Variants in KBTBD8 observed in about 807,000 individuals in gnomAD.
The protein encoded by KBTBD8 is kelch repeat and BTB domain containing 8, also known as kelch repeat and BTB domain-containing protein 8.
KBTBD8 carries 31 observed loss-of-function variants against 53.5 expected under a neutral mutation model. The observed-to-expected ratio is 0.58, with a 90% CI of 0.44 to 0.78. The LOEUF (loss-of-function observed/expected upper bound fraction) is 0.78. Ranked by LOEUF, KBTBD8 falls within the 30% of genes least tolerant of loss-of-function variation. The pLI, the probability that KBTBD8 is intolerant of heterozygous loss-of-function variation, is 0.00. For missense variants in KBTBD8, 642 were observed against 735.8 expected, an observed-to-expected ratio of 0.87 and a Z score of 1.48; for synonymous variants, 250 against 247.3, an observed-to-expected ratio of 1.01 and a Z score of -0.10.
At chr3:67,006,040 TG>T (rs1223248970) in intron 3 of KBTBD8, among the ~76,000 whole-genome samples, 1 of 152,222 alleles carries the variant, frequency 6.6e-6, no homozygotes, top group Non-Finnish European at 1.5e-5. Flanking sequence ...CAGAAGGAGT[TG>T]TACTCTCTGG....
intron 1 of KBTBD8, 87 bp from the exon 2 acceptor site, chr3:66,998,894 T>A (rs1701989087): frequency 2.0e-6 from 2 of 1,010,726 alleles, no homozygotes; most frequent in Non-Finnish European, 3.0e-6. Flanking sequence ...GGAAAAAGCC[T>A]AGCAAGCAGA....
intron 2 of KBTBD8, 53 bp downstream of exon 2, chr3:66,999,244 C>G: frequency 7.4e-7 from 1 of 1,359,258 alleles, no homozygotes; most frequent in African/African-American, 1.4e-5. Flanking sequence ...TCCCTTTCCC[C>G]CTCAGTATTG....
chr3:67,007,010 A>G (rs1034219077), intron 3 of KBTBD8, among the ~76,000 whole-genome samples: 5 of 152,224 alleles, frequency 3.3e-5, no homozygotes, highest in African/African-American at 1.2e-4. Context: ...CAAAGTCAAC[A>G]TCACAAACCA....
At chr3:66,998,875 C>A (rs1482537473) in intron 1 of KBTBD8, 106 bp from the exon 2 acceptor site, 3 of 850,888 alleles carry the variant, frequency 3.5e-6, no homozygotes, top group South Asian at 3.1e-5. Flanking sequence ...TTGTATATAT[C>A]TTGTAGGGGG....
intron 3 of KBTBD8, among the ~76,000 whole-genome samples, chr3:67,004,563 ATAAC>A (rs1489838315): frequency 6.6e-6 from 1 of 152,248 alleles, no homozygotes; most frequent in African/African-American, 2.4e-5. Context: ...ATCATGTAGA[ATAAC>A]TATTTTTGAA....
At position 67,003,267 on chromosome 3, in the gene KBTBD8, G is replaced by A. The variant is rs151133801; in HGVS notation, c.300G>A (p.Ser100=). 2.5e-5 allele frequency: 41 copies of A among 1,614,072 alleles called. No homozygotes were observed. In the African/African-American group the frequency reaches 3.3e-4, roughly 13 times the overall value. ...GAATAGTTGGTGTTGAAGCTGAATC[G>A]ATGGATTTAGTGTTGAACTATGCCT... ...EVRIVGVEAE[S]MDLVLNYAYT... The change falls in exon 3 of 4, where the codon TCG becomes TCA. Residue 100 remains serine, a synonymous_variant. Transcript: ENST00000417314.
intron 3 of KBTBD8, 94 bp downstream of exon 3, chr3:67,004,403 T>G: frequency 8.6e-7 from 1 of 1,161,388 alleles, no homozygotes; most frequent in Non-Finnish European, 1.2e-6. Flanking sequence ...TCCCGTTAAT[T>G]GAGGAATACC....
chr3:66,998,514 G>T (rs866349570), intron 1 of KBTBD8, 143 bp downstream of exon 1: 1 of 679,478 alleles, frequency 1.5e-6, no homozygotes, highest in Non-Finnish European at 2.2e-6. Context: ...AGAAGAGGGA[G>T]GATGAATGGT....
intron 3 of KBTBD8, among the ~76,000 whole-genome samples, chr3:67,006,349 A>T (rs1016820433): frequency 2.0e-5 from 3 of 152,204 alleles, no homozygotes; most frequent in African/African-American, 4.8e-5. Context: ...ACATCATTTA[A>T]TTTGAGGTTA....
In KBTBD8 at chr3:67,003,399, C is replaced by G; in HGVS notation, c.432C>G (p.Ile144Met). 3 of 1,614,118 alleles carry G rather than the reference C, an allele frequency of 1.9e-6. No homozygotes were observed. The highest frequency in any genetic ancestry group is 2.5e-6 in the Non-Finnish European group (3 of 1,179,970). The change falls in exon 3 of 4, where the codon ATC (isoleucine) becomes ATG (methionine). Residue 144 changes from isoleucine to methionine, a missense_variant. Ile to Met is a conservative substitution (Grantham distance 10). Transcript: ENST00000417314. ...SIQDQCAKYM[I>M]SHLDPQNSIG... is the part of the protein sequence containing the mutation. ...AAGACCAATGTGCTAAGTATATGAT[C>G]AGTCATTTGGACCCACAGAATTCTA...
intron 3 of KBTBD8, among the ~76,000 whole-genome samples, chr3:67,007,093 TC>T (rs1368135203): frequency 6.6e-6 from 1 of 152,176 alleles, no homozygotes; most frequent in Non-Finnish European, 1.5e-5. Context: ...ATAGCAACAT[TC>T]AGGTAAGCAC....
chr3:67,007,993 A>C lies in KBTBD8; in HGVS notation c.1414A>C (p.Ile472Leu), dbSNP rs150471033. The change falls in exon 4 of 4, where the codon ATC becomes CTC. Residue 472 changes from isoleucine to leucine, a missense_variant. Coordinates refer to ENST00000417314, the MANE Select transcript of KBTBD8 (RefSeq NM_032505.3). The part of the protein sequence containing the change: ...GFLTPMTVPR[I>L]QGLAAVYKDS... ...CTTAACCCCCATGACTGTGCCTAGA[A>C]TCCAGGGCTTAGCAGCTGTATACAA... The C allele has an allele frequency of 1.2e-6, 2 of 1,613,678 alleles. No homozygotes were observed. The highest frequency in any genetic ancestry group is 2.7e-5 in the African/African-American group (2 of 74,924).
rs1166049827 is a variant in KBTBD8 at position 67,010,265 on chromosome 3, AAAC to A, written c.*1883_*1885del. ...TTTTGCATTGCTGAGGAGAGAGAAAAAACAATTTTTTTGCAAGAGATGTTCATG... is the reference window on the plus strand; with the variant it reads ...TTTTGCATTGCTGAGGAGAGAGAAAAAATTTTTTTGCAAGAGATGTTCATG... On this transcript the variant is annotated 3_prime_UTR_variant, in exon 4 of 4. Transcript: ENST00000417314. The A allele has an allele frequency of 6.6e-5, 10 of 152,558 alleles. No homozygotes were observed. Among genetic ancestry groups the A allele is most frequent in the African/African-American group, 2.2e-4 (9 of 41,418 alleles). The allele number at this position is 152,558 out of a possible 1,614,324, so 9.5% of individuals were successfully genotyped here.
chr3:67,001,962 A>C (rs1338844544), intron 2 of KBTBD8, among the ~76,000 whole-genome samples: 1 of 152,214 alleles, frequency 6.6e-6, no homozygotes, highest in Admixed American at 6.5e-5. Flanking sequence ...AAGAAAGGCA[A>C]ATGATGTTTG....
chr3:67,003,443 C>G lies in KBTBD8; in HGVS notation c.476C>G (p.Ala159Gly). 1.2e-6 allele frequency: 2 copies of G among 1,614,104 alleles called. No homozygotes were observed. The highest frequency in any genetic ancestry group is 1.7e-6 in the Non-Finnish European group (2 of 1,179,988). ...AATTCTATTGGGGTCTTTATCTTTG[C>G]TGATCATTATGGTCATCAGGAACTC... The part of the protein sequence containing the change: ...PQNSIGVFIF[A>G]DHYGHQELGD... Residue 159 changes from alanine to glycine, a missense_variant, in exon 3 of 4, where the codon GCT becomes GGT. Coordinates refer to ENST00000417314, the MANE Select transcript of KBTBD8 (RefSeq NM_032505.3).
chr3:67,004,660 T>C (rs781563969), intron 3 of KBTBD8, among the ~76,000 whole-genome samples: 21 of 152,316 alleles, frequency 1.4e-4, no homozygotes, highest in Non-Finnish European at 2.8e-4. Context: ...AATAGCAAGG[T>C]TGTTACATGG....
Position 67,010,624 on chromosome 3 carries a change from A to G in KBTBD8, c.*2239A>G, listed in dbSNP as rs1016128238. On this transcript the variant is annotated 3_prime_UTR_variant, in exon 4 of 4. Coordinates refer to ENST00000417314, the MANE Select transcript of KBTBD8 (RefSeq NM_032505.3). ...ATGAAGAACTATTTGTTTAAATTAT[A>G]TAGCTGGGATATTTTGCCACTGTTA... 3 of 152,582 alleles carry G rather than the reference A, an allele frequency of 2.0e-5. No homozygotes were observed. The highest frequency in any genetic ancestry group is 1.3e-4 in the Admixed American group (2 of 15,268). The allele number at this position is 152,582 out of a possible 1,614,324, so 9.5% of individuals were successfully genotyped here.
chr3:67,003,697 C>G lies in KBTBD8; in HGVS notation c.730C>G (p.Leu244Val). 2 of 1,614,160 alleles carry G rather than the reference C, an allele frequency of 1.2e-6. No homozygotes were observed. The highest frequency in any genetic ancestry group is 1.7e-6 in the Non-Finnish European group (2 of 1,180,032). ...TTTTGCTAAATGCATACGTTTTCCT[C>G]TGATGGAAGATACCTTTATAGAGAA... is the stretch of plus-strand genomic sequence containing the variant. ...EIFAKCIRFP[L>V]MEDTFIEKIP... is the part of the protein sequence containing the mutation. The change falls in exon 3 of 4, where the codon CTG (leucine) becomes GTG (valine). Residue 244 changes from leucine (L) to valine (V), a missense_variant. Transcript: ENST00000417314.
rs752815818 is a variant in KBTBD8, at chr3:67,003,855, ACACT to A, written c.891_894del (p.His297GlnfsTer10). On this transcript the variant is annotated frameshift_variant, in exon 3 of 4. Coordinates refer to ENST00000417314, the MANE Select transcript of KBTBD8 (RefSeq NM_032505.3). LOFTEE classifies it high-confidence loss of function. ...TCATATGTTTTGATGCTGCCCACAA[ACACT>A]CAGGAAAGAAGCAAACAGTGCCTTG... 1.9e-6 allele frequency: 3 copies of A among 1,614,206 alleles called. No homozygotes were observed. Among genetic ancestry groups the A allele is most frequent in the Non-Finnish European group, 2.5e-6 (3 of 1,180,036 alleles).
Sources: allele counts gnomAD v4.1 joint callset (sites outside exome capture counted in the v4.1 genomes callset), GRCh38; gene constraint gnomAD v4.1.1; transcripts MANE v1.5; gene names NCBI Gene and HGNC (gene_info 2026-07-23, HGNC 2026-07-21).